TAF1A: variants seen among roughly 807,000 people sequenced by gnomAD.
TAF1A encodes TATA box-binding protein-associated factor RNA polymerase I subunit A.
TAF1A carries 42 observed loss-of-function variants against 61.6 expected under a neutral mutation model. The observed-to-expected ratio is 0.68, with a 90% CI of 0.53 to 0.88. The LOEUF (loss-of-function observed/expected upper bound fraction) is 0.88, where lower values mean the gene tolerates loss of function less well. Ranked by LOEUF, TAF1A falls within the 40% of genes least tolerant of loss-of-function variation. The pLI is 0.00. For synonymous variants in TAF1A, 179 were observed against 177.7 expected (o/e 1.01, Z -0.06); for missense variants, 424 against 518.7 (o/e 0.82, Z 1.77).
chr1:222,571,530 G>T (rs925528954), intron 5 of TAF1A, among the ~76,000 whole-genome samples: 31 of 151,962 alleles, frequency 2.0e-4, no homozygotes, highest in Non-Finnish European at 3.8e-4. Context: ...AGTTCACAAA[G>T]GTTGCAGAGT....
chr1:222,568,937 G>A (rs999191230), intron 7 of TAF1A: 16 of 153,618 alleles, frequency 1.0e-4, no homozygotes, highest in African/African-American at 3.6e-4. Flanking sequence ...AATAACATGG[G>A]TGAATCTCAA....
At chr1:222,570,742 T>C (rs1660318647) in intron 5 of TAF1A, 77 bp from the exon 6 acceptor site, 1 of 1,407,960 alleles carries the variant, frequency 7.1e-7, no homozygotes, top group Non-Finnish European at 9.5e-7. Context: ...TAAAAAACTA[T>C]CTGCGAGAAA....
At chr1:222,562,114 A>G (rs1571794580) in intron 9 of TAF1A, among the ~76,000 whole-genome samples, 1 of 152,334 alleles carries the variant, frequency 6.6e-6, no homozygotes, top group Admixed American at 6.5e-5. Context: ...TAAACTGTTA[A>G]GTGCAGGCAA....
In TAF1A at chr1:222,579,994, C is replaced by T. The variant is rs961181188; in HGVS notation, c.292-122G>A. The T allele has an allele frequency of 1.5e-5, 17 of 1,154,444 alleles. No homozygotes were observed. In the East Asian group the frequency reaches 1.6e-4, roughly 11 times the overall value. 71.5% of individuals were successfully genotyped at this position (1,154,444 alleles called of 1,614,324 possible). A position where few individuals can be genotyped will look rare whatever the true frequency, so the allele number is the denominator to read the frequency against. Reference sequence around the variant, plus strand: ...TGATTCCTTTTCCAGAGACCACTACCGTCAACATTTTACTCTACTTTGCCA... The same window carrying T: ...TGATTCCTTTTCCAGAGACCACTACTGTCAACATTTTACTCTACTTTGCCA... On this transcript the variant is annotated intron_variant, in intron 3 of 10. Transcript: ENST00000352967.
At chr1:222,566,759 C>T (rs941683997) in intron 7 of TAF1A, among the ~76,000 whole-genome samples, 7 of 152,034 alleles carry the variant, frequency 4.6e-5, no homozygotes, top group Non-Finnish European at 7.4e-5. Context: ...CGGTCCATGA[C>T]CCAGGGGTTG....
At chr1:222,562,023 C>G (rs1489441057) in intron 9 of TAF1A, among the ~76,000 whole-genome samples, 1 of 152,108 alleles carries the variant, frequency 6.6e-6, no homozygotes, top group Non-Finnish European at 1.5e-5. Context: ...TTAAGTAAAA[C>G]CTTACTTAAA....
chr1:222,577,570 G>C lies in TAF1A; in HGVS notation c.479C>G (p.Ala160Gly). Reference protein sequence around the residue: ...LKDAKRNLSEAETWRHGENTS... With the variant: ...LKDAKRNLSEGETWRHGENTS... ...ATTTTCACCATGTCTCCATGTCTCT[G>C]CCTCACTCAGATTTCTCTTAGCATC... The change falls in exon 5 of 11, where the codon GCA becomes GGA. Residue 160 changes from alanine (A) to glycine (G), a missense_variant. Physicochemically the swap from Ala to Gly is moderately conservative, Grantham distance 60. Coordinates refer to ENST00000352967, the MANE Select transcript of TAF1A (RefSeq NM_005681.4). The C allele has an allele frequency of 1.2e-6, 2 of 1,613,940 alleles. No individual in the cohort carries two copies. Among genetic ancestry groups the C allele is most frequent in the Non-Finnish European group, 1.7e-6 (2 of 1,179,918 alleles).
intron 7 of TAF1A, among the ~76,000 whole-genome samples, chr1:222,565,620 A>G (rs1216404291): frequency 2.6e-5 from 4 of 152,204 alleles, no homozygotes; most frequent in Admixed American, 2.6e-4. Context: ...AAGCTATCTT[A>G]AGAGAGTAAA....
intron 4 of TAF1A, among the ~76,000 whole-genome samples, chr1:222,578,897 A>T (rs906924039): frequency 3.9e-5 from 6 of 152,206 alleles, no homozygotes; most frequent in Non-Finnish European, 8.8e-5. Flanking sequence ...TCAGACTCTT[A>T]TTGAGAAATG....
At chr1:222,574,282 A>G (rs1204954572) in intron 5 of TAF1A, among the ~76,000 whole-genome samples, 1 of 152,224 alleles carries the variant, frequency 6.6e-6, no homozygotes, top group Non-Finnish European at 1.5e-5. Context: ...CAATAAAGCT[A>G]TAAAGAAAAA....
chr1:222,557,766 C>G (rs1659755835), downstream of TAF1A: 1 of 152,184 alleles, frequency 6.6e-6, no homozygotes, highest in Non-Finnish European at 1.5e-5. Flanking sequence ...CTGAAAACAG[C>G]CAGCCCACTC....
chr1:222,570,488 GC>G (rs769339483), intron 6 of TAF1A, 46 bp downstream of exon 6: 1 of 1,551,232 alleles, frequency 6.4e-7, no homozygotes, highest in Non-Finnish European at 8.8e-7. Context: ...CTTTGTATAG[GC>G]TTTTGACAAA....
At chr1:222,579,400 A>T (rs1660697785) in intron 4 of TAF1A, among the ~76,000 whole-genome samples, 1 of 152,226 alleles carries the variant, frequency 6.6e-6, no homozygotes, top group Non-Finnish European at 1.5e-5. Context: ...CACGTATTTA[A>T]ATTCCCAACT....
rs748397108 is a variant in TAF1A, at chr1:222,561,562, A to G, written c.1086-44T>C. 3.9e-6 allele frequency: 6 copies of G among 1,527,882 alleles called. No individual in the cohort carries two copies. The Admixed American group carries it at 6.4e-5, about 16-fold the overall frequency. 94.6% of individuals were successfully genotyped at this position (1,527,882 alleles called of 1,614,324 possible). A position where few individuals can be genotyped will look rare whatever the true frequency, so the allele number is the denominator to read the frequency against. On this transcript the variant is annotated intron_variant, in intron 9 of 10. Transcript: ENST00000352967. Reference sequence around the variant, plus strand: ...AAAAGAGAGGGTCAATGATGGAAACAAATCTATATTATCAGAATTTAGACT... The same window carrying G: ...AAAAGAGAGGGTCAATGATGGAAACGAATCTATATTATCAGAATTTAGACT...
chr1:222,570,131 T>C (rs1322507568), intron 6 of TAF1A, among the ~76,000 whole-genome samples: 2 of 152,212 alleles, frequency 1.3e-5, no homozygotes, highest in Non-Finnish European at 2.9e-5. Context: ...CTCAGTCCTT[T>C]TACAATGACT....
At chr1:222,559,972 C>A (rs1659849363) in intron 10 of TAF1A, among the ~76,000 whole-genome samples, 1 of 152,068 alleles carries the variant, frequency 6.6e-6, no homozygotes, top group South Asian at 2.1e-4. Context: ...AATTTCGTTC[C>A]CACCCTAACA....
In TAF1A at chr1:222,563,265, C is replaced by A; in HGVS notation, c.993G>T (p.Glu331Asp). The A allele has an allele frequency of 6.2e-7, 1 of 1,612,988 alleles. No homozygotes were observed. The highest frequency in any genetic ancestry group is 8.5e-7 in the Non-Finnish European group (1 of 1,179,562). ...CAAAATCTAAGACTCCAAATAATACCTCCAACCCCAGTTTACGGTGTTCTT... is the reference window on the plus strand; with the variant it reads ...CAAAATCTAAGACTCCAAATAATACATCCAACCCCAGTTTACGGTGTTCTT... ...EKEEHRKLGL[E>D]VLFGVLDFAG... Residue 331 changes from glutamate (E) to aspartate (D), a missense_variant, in exon 9 of 11, where the codon GAG becomes GAT. Physicochemically the swap from Glu to Asp is conservative, Grantham distance 45 (BLOSUM62 2). Coordinates refer to ENST00000352967, the MANE Select transcript of TAF1A (RefSeq NM_005681.4).
At position 222,577,563 on chromosome 1, in the gene TAF1A, T is replaced by C; in HGVS notation, c.486A>G (p.Thr162=). ...AAGACGTATTTTCACCATGTCTCCA[T>C]GTCTCTGCCTCACTCAGATTTCTCT... ...DAKRNLSEAE[T]WRHGENTSSR... Residue 162 remains threonine (T), a synonymous_variant, in exon 5 of 11, where the codon ACA becomes ACG. Coordinates refer to ENST00000352967, the MANE Select transcript of TAF1A (RefSeq NM_005681.4). The C allele has an allele frequency of 1.2e-6, 2 of 1,614,026 alleles. No homozygotes were observed. The highest frequency in any genetic ancestry group is 1.7e-4 in the Middle Eastern group (1 of 6,060).
At chr1:222,560,040 A>G (rs1659852532) in intron 10 of TAF1A, among the ~76,000 whole-genome samples, 2 of 152,196 alleles carry the variant, frequency 1.3e-5, no homozygotes, top group Admixed American at 6.5e-5. Context: ...GTCACAGGGC[A>G]ACCAAGTAGC....
Sources: allele counts gnomAD v4.1 joint callset (sites outside exome capture counted in the v4.1 genomes callset), GRCh38; gene constraint gnomAD v4.1.1; transcripts MANE v1.5; gene names NCBI Gene and HGNC (gene_info 2026-07-23, HGNC 2026-07-21).